CREBBP: variants seen among roughly 807,000 people sequenced by gnomAD.
CREBBP encodes CREB-binding protein.
In CREBBP, 19 loss-of-function variants were observed where a neutral mutation model predicts 265.0. The ratio of observed to expected loss-of-function variants is 0.07; its 90% CI spans 0.05 to 0.11. The LOEUF (loss-of-function observed/expected upper bound fraction) is 0.11, where lower values mean the gene tolerates loss of function less well. Ranked by LOEUF, CREBBP falls within the 10% of genes least tolerant of loss-of-function variation. The probability of loss-of-function intolerance (pLI) is 1.00; values close to 1 mark genes in which losing one functional copy is unlikely to be tolerated. For missense variants in CREBBP, 2,525 were observed against 3,219.0 expected, an observed-to-expected ratio of 0.78 and a Z score of 5.22; for synonymous variants, 1,457 against 1,223.7, an observed-to-expected ratio of 1.19 and a Z score of -3.98.
intron 5 of CREBBP, among the ~76,000 whole-genome samples, chr16:3,787,070 C>CAAAAAAAAAAAAAAAAAAAAAAA (rs757962926): frequency 1.1e-4 from 10 of 86,978 alleles, no homozygotes; most frequent in Non-Finnish European, 9.8e-5. Flanking sequence ...GACTTCGTCT[C>CAAAAAAAAAAAAAAAAAAAAAAA]AAAAAAAAAA....
At chr16:3,814,123 T>A (rs1389039493) in intron 2 of CREBBP, among the ~76,000 whole-genome samples, 1 of 152,094 alleles carries the variant, frequency 6.6e-6, no homozygotes, top group East Asian at 1.9e-4. Context: ...GGGTAATACT[T>A]GCCTGGCCTG....
At chr16:3,734,841 C>T (rs1240772866) in intron 28 of CREBBP, among the ~76,000 whole-genome samples, 2 of 152,206 alleles carry the variant, frequency 1.3e-5, no homozygotes, top group Non-Finnish European at 2.9e-5. Flanking sequence ...CCGGCACCCA[C>T]CTCACAGACG....
At chr16:3,778,608 G>C in intron 9 of CREBBP, 92 bp downstream of exon 9, 1 of 1,103,866 alleles carries the variant, frequency 9.1e-7, no homozygotes, top group Non-Finnish European at 1.4e-6. Flanking sequence ...CAACTACATA[G>C]ATTCCACTAT....
At chr16:3,858,026 T>C (rs1185483247) in intron 1 of CREBBP, among the ~76,000 whole-genome samples, 1 of 152,258 alleles carries the variant, frequency 6.6e-6, no homozygotes, top group East Asian at 1.9e-4. Flanking sequence ...ACAGAGGACA[T>C]TCACTTCTAT....
At chr16:3,751,307 C>T (rs1484748605) in intron 20 of CREBBP, among the ~76,000 whole-genome samples, 1 of 152,018 alleles carries the variant, frequency 6.6e-6, no homozygotes, top group African/African-American at 2.4e-5. Flanking sequence ...TAATATGAAA[C>T]AAACCCCACA....
At position 3,802,137 on chromosome 16, in the gene CREBBP, T is replaced by C. The variant is rs962878985; in HGVS notation, c.975+8466A>G. ...TAATTTTTTTTTTTTTTTTTTTTTT[T>C]TTTTTTTTTTTTGTGACAGAGTCTC... On this transcript the variant is annotated intron_variant, in intron 3 of 30. Coordinates refer to ENST00000262367, the MANE Select transcript of CREBBP (RefSeq NM_004380.3). Among the ~76,000 whole-genome samples the C allele has an allele frequency of 3.5e-3, 421 of 120,132 alleles. 10 individuals are homozygous for C. Among genetic ancestry groups the C allele is most frequent in the African/African-American group, 0.014 (404 of 29,174 alleles). 78.8% of individuals were successfully genotyped at this position (120,132 alleles called of 152,430 possible). A position where few individuals can be genotyped will look rare whatever the true frequency, so the allele number is the denominator to read the frequency against.
At chr16:3,869,455 G>A (rs1041929971) in intron 1 of CREBBP, among the ~76,000 whole-genome samples, 9 of 152,158 alleles carry the variant, frequency 5.9e-5, no homozygotes, top group Middle Eastern at 3.2e-3. Context: ...AAAGATGATC[G>A]TTTTAAAGGA....
chr16:3,770,554 A>T lies in CREBBP; in HGVS notation c.2880+16T>A, dbSNP rs760393733. ...AAGAGTCTTGGCCCAAAAACAGCAGAGACAGAGAGGCTTACCGGTGTGCCA... is the reference window on the plus strand; with the variant it reads ...AAGAGTCTTGGCCCAAAAACAGCAGTGACAGAGAGGCTTACCGGTGTGCCA... On this transcript the variant is annotated intron_variant, in intron 14 of 30. Coordinates refer to ENST00000262367, the MANE Select transcript of CREBBP (RefSeq NM_004380.3). 26 of 1,611,674 alleles carry T rather than the reference A, an allele frequency of 1.6e-5. No individual in the cohort carries two copies. Among genetic ancestry groups the T allele is most frequent in the Non-Finnish European group, 2.2e-5 (26 of 1,179,798 alleles).
chr16:3,805,936 T>C (rs764589438), intron 3 of CREBBP, among the ~76,000 whole-genome samples: 1 of 152,156 alleles, frequency 6.6e-6, no homozygotes, highest in African/African-American at 2.4e-5. Context: ...TTAGGTGGAA[T>C]TGGGAAATTG....
chr16:3,876,221 G>C (rs1406989573), intron 1 of CREBBP, among the ~76,000 whole-genome samples: 1 of 151,514 alleles, frequency 6.6e-6, no homozygotes. Flanking sequence ...AAAATTTTTT[G>C]TTTAGATGGG....
intron 3 of CREBBP, among the ~76,000 whole-genome samples, chr16:3,804,762 G>A (rs887594680): frequency 6.6e-6 from 1 of 152,194 alleles, no homozygotes; most frequent in East Asian, 1.9e-4. Flanking sequence ...CACATCTTGT[G>A]TAGACAAAAA....
At chr16:3,768,273 G>A (rs1467002605) in intron 15 of CREBBP, among the ~76,000 whole-genome samples, 1 of 143,558 alleles carries the variant, frequency 7.0e-6, no homozygotes, top group Non-Finnish European at 1.5e-5. Flanking sequence ...AGCCTCCCGA[G>A]TAGCTGGGAT....
intron 19 of CREBBP, among the ~76,000 whole-genome samples, chr16:3,755,828 A>G (rs1319615132): frequency 1.3e-5 from 2 of 152,208 alleles, no homozygotes; most frequent in Admixed American, 1.3e-4. Flanking sequence ...CTGCACTTCT[A>G]GCAGGGATGC....
chr16:3,738,032 C>T (rs920647151), intron 26 of CREBBP, among the ~76,000 whole-genome samples: 6 of 151,846 alleles, frequency 4.0e-5, no homozygotes, highest in East Asian at 1.9e-4. Context: ...GTGATCCGCC[C>T]GCCTCGGCCT....
intron 1 of CREBBP, among the ~76,000 whole-genome samples, chr16:3,866,050 A>G (rs2055173243): frequency 6.6e-6 from 1 of 152,186 alleles, no homozygotes; most frequent in Admixed American, 6.5e-5. Context: ...GTTTCCAGTT[A>G]GGGTCCTTAT....
chr16:3,774,100 G>A (rs1383041081), intron 12 of CREBBP, among the ~76,000 whole-genome samples, 170 bp from the exon 13 acceptor site: 2 of 152,146 alleles, frequency 1.3e-5, no homozygotes, highest in Non-Finnish European at 2.9e-5. Context: ...GAACTCCCGC[G>A]CTCCTGGGCA....
chr16:3,734,130 G>C (rs1376954815), intron 28 of CREBBP, among the ~76,000 whole-genome samples: 1 of 152,126 alleles, frequency 6.6e-6, no homozygotes, highest in African/African-American at 2.4e-5. Context: ...ACTGCACACA[G>C]GGAGCTGGTT....
intron 1 of CREBBP, among the ~76,000 whole-genome samples, chr16:3,872,635 G>C (rs2055324257): frequency 6.6e-6 from 1 of 152,234 alleles, no homozygotes; most frequent in South Asian, 2.1e-4. Context: ...GGACTAAAGG[G>C]AACGCTGAGC....
intron 2 of CREBBP, among the ~76,000 whole-genome samples, chr16:3,831,018 G>A (rs538376534): frequency 2.6e-4 from 40 of 152,276 alleles, no homozygotes; most frequent in Non-Finnish European, 5.0e-4. Flanking sequence ...AAACTCAAGT[G>A]ATCTGTCCGC....
Sources: allele counts gnomAD v4.1 joint callset (sites outside exome capture counted in the v4.1 genomes callset), GRCh38; gene constraint gnomAD v4.1.1; transcripts MANE v1.5; gene names NCBI Gene and HGNC (gene_info 2026-07-23, HGNC 2026-07-21).